TAMM41: variants seen among roughly 807,000 people sequenced by gnomAD.
TAMM41 encodes phosphatidate cytidylyltransferase, mitochondrial.
In TAMM41, 36 loss-of-function variants were observed where a neutral mutation model predicts 44.1. The observed-to-expected ratio is 0.82, with a 90% CI of 0.63 to 1.08. The LOEUF is 1.08. TAMM41 is among the 50% of genes least tolerant of loss of function. The probability of loss-of-function intolerance (pLI) is 0.00; values close to 1 mark genes in which losing one functional copy is unlikely to be tolerated. For missense variants in TAMM41, 417 were observed against 404.3 expected (o/e 1.03, Z -0.27); for synonymous variants, 164 against 153.1 (o/e 1.07, Z -0.53).
chr3:11,754,960 AAAGT>A, the TAMM41 span, among the ~76,000 whole-genome samples: 1 of 152,034 alleles, frequency 6.6e-6, no homozygotes, highest in African/African-American at 2.4e-5. Flanking sequence ...TCGGCCTCCC[AAAGT>A]GCTGGGATTA....
the TAMM41 span, among the ~76,000 whole-genome samples, chr3:11,733,191 G>A: frequency 2.6e-5 from 4 of 151,580 alleles, no homozygotes; most frequent in Admixed American, 1.3e-4. Context: ...TATAGGCAGG[G>A]TTTCACCATA....
At chr3:11,746,635 T>C in the TAMM41 span, among the ~76,000 whole-genome samples, 3 of 142,836 alleles carry the variant, frequency 2.1e-5, no homozygotes, top group East Asian at 5.9e-4. Context: ...AGGATTGCTA[T>C]TTATTATTAA....
At chr3:11,741,570 T>TA in the TAMM41 span, among the ~76,000 whole-genome samples, 2 of 150,182 alleles carry the variant, frequency 1.3e-5, no homozygotes. Context: ...ACTAAGCACT[T>TA]ATCATTCACA....
Position 11,817,252 on chromosome 3 carries a change from A to G in TAMM41, c.648T>C (p.Tyr216=). 6.2e-7 allele frequency: 1 copy of G among 1,613,710 alleles called. No homozygotes were observed. The highest frequency in any genetic ancestry group is 1.3e-5 in the African/African-American group (1 of 75,060). Residue 216 remains tyrosine (Y), a synonymous_variant, in exon 5 of 8, where the codon TAT becomes TAC. Coordinates refer to ENST00000455809, the MANE Select transcript of TAMM41 (RefSeq NM_001284401.2). ...GAGGATTTTCCTGTAGTATGCTGCCATAGAGCTCTCGAAAGTGGGCTATAT... is the reference window on the plus strand; with the variant it reads ...GAGGATTTTCCTGTAGTATGCTGCCGTAGAGCTCTCGAAAGTGGGCTATAT... ...KPNIAHFREL[Y]GSILQENPQV... is the part of the protein sequence containing the mutation.
chr3:11,802,255 T>A (rs1028927759), intron 7 of TAMM41, among the ~76,000 whole-genome samples: 1 of 152,004 alleles, frequency 6.6e-6, no homozygotes, highest in Non-Finnish European at 1.5e-5. Context: ...CTTTGAAAGA[T>A]ACACAAAATT....
the TAMM41 span, among the ~76,000 whole-genome samples, chr3:11,754,708 CTTTT>C: frequency 1.3e-4 from 13 of 103,546 alleles, no homozygotes; most frequent in Admixed American, 3.3e-4. Flanking sequence ...TCTCAGATCT[CTTTT>C]TTTTTTTTTT....
At chr3:11,732,988 A>AG in the TAMM41 span, among the ~76,000 whole-genome samples, 17 of 99,402 alleles carry the variant, frequency 1.7e-4, no homozygotes, top group East Asian at 3.6e-4. Context: ...ATATGATTTG[A>AG]GTTTTTTTTT....
the TAMM41 span, among the ~76,000 whole-genome samples, chr3:11,732,444 G>A: frequency 6.6e-6 from 1 of 152,202 alleles, no homozygotes; most frequent in Non-Finnish European, 1.5e-5. Flanking sequence ...CTCTCATGGA[G>A]CTTCTCCTCT....
intron 4 of TAMM41, among the ~76,000 whole-genome samples, chr3:11,826,493 C>T (rs1000005940): frequency 3.8e-5 from 5 of 132,434 alleles, no homozygotes; most frequent in Non-Finnish European, 6.1e-5. Context: ...CTCACCACTG[C>T]ACTCTAGCTT....
intron 3 of TAMM41, among the ~76,000 whole-genome samples, chr3:11,837,476 T>C (rs1420690419): frequency 6.6e-6 from 1 of 152,096 alleles, no homozygotes. Flanking sequence ...TCCCACTTTT[T>C]TTTTTTCCTG....
At chr3:11,739,511 G>A in the TAMM41 span, among the ~76,000 whole-genome samples, 1 of 151,976 alleles carries the variant, frequency 6.6e-6, no homozygotes, top group Non-Finnish European at 1.5e-5. Flanking sequence ...CTTAAGGATA[G>A]AAGATGCGTT....
the TAMM41 span, among the ~76,000 whole-genome samples, chr3:11,748,231 T>G: frequency 7.1e-6 from 1 of 141,022 alleles, no homozygotes; most frequent in African/African-American, 2.8e-5. Flanking sequence ...CTCAAAGTAA[T>G]TCACATGTCT....
At chr3:11,835,431 T>A (rs1285041492) in intron 3 of TAMM41, among the ~76,000 whole-genome samples, 1 of 152,258 alleles carries the variant, frequency 6.6e-6, no homozygotes, top group East Asian at 1.9e-4. Flanking sequence ...TTAAAAGCCT[T>A]AGAAAATAAT....
At chr3:11,818,678 C>T (rs1464868900) in intron 4 of TAMM41, among the ~76,000 whole-genome samples, 3 of 152,008 alleles carry the variant, frequency 2.0e-5, no homozygotes, top group East Asian at 1.9e-4. Context: ...AGGCGGATCA[C>T]GAGGTCAGGA....
the TAMM41 span, among the ~76,000 whole-genome samples, chr3:11,770,099 G>C: frequency 6.6e-6 from 1 of 152,218 alleles, no homozygotes; most frequent in Non-Finnish European, 1.5e-5. Flanking sequence ...CAATCTCATA[G>C]AATCCACAGG....
the TAMM41 span, among the ~76,000 whole-genome samples, chr3:11,736,635 G>T: frequency 1.3e-5 from 2 of 152,160 alleles, no homozygotes; most frequent in South Asian, 2.1e-4. Context: ...CGGGGCCTCA[G>T]CGCACCCTGC....
chr3:11,753,129 C>T, the TAMM41 span, among the ~76,000 whole-genome samples: 1 of 152,008 alleles, frequency 6.6e-6, no homozygotes, highest in African/African-American at 2.4e-5. Context: ...ATAGGATGCT[C>T]AGCACTGGCT....
intron 4 of TAMM41, among the ~76,000 whole-genome samples, chr3:11,824,731 T>C (rs1027110575): frequency 1.3e-5 from 2 of 152,122 alleles, no homozygotes; most frequent in African/African-American, 4.8e-5. Context: ...TCACATACTA[T>C]TGGAAGCATC....
the TAMM41 span, among the ~76,000 whole-genome samples, chr3:11,767,645 A>ATTTTTT: frequency 2.6e-4 from 2 of 7,688 alleles, no homozygotes; most frequent in East Asian, 1.5e-3. Flanking sequence ...TTTTTTTTTG[A>ATTTTTT]GACAGAGTCT....
Sources: allele counts gnomAD v4.1 joint callset (sites outside exome capture counted in the v4.1 genomes callset), GRCh38; gene constraint gnomAD v4.1.1; transcripts MANE v1.5; gene names NCBI Gene and HGNC (gene_info 2026-07-23, HGNC 2026-07-21).